Variants in F8 observed in about 807,000 individuals in gnomAD.
F8 encodes coagulation factor VIII.
In F8, 12 loss-of-function variants were observed where a neutral mutation model predicts 140.6. The observed-to-expected ratio is 0.09, with a 90% CI of 0.05 to 0.14. F8 has a LOEUF of 0.14. Among genes scored for constraint, F8 ranks in the 10% least tolerant of loss-of-function variants. F8 has a pLI of 1.00. For synonymous variants in F8, 585 were observed against 614.6 expected, an observed-to-expected ratio of 0.95 and a Z score of 0.71; for missense variants, 1,354 against 1,720.7, an observed-to-expected ratio of 0.79 and a Z score of 3.77.
At position 154,929,924 on chromosome X, in the gene F8, T is replaced by A. The variant is rs985841292; in HGVS notation, c.3866A>T (p.Lys1289Ile). ...RTKKHTAHFSKKGEEENLEGL... is the reference protein window; with the variant it reads ...RTKKHTAHFSIKGEEENLEGL... Reference sequence around the variant, plus strand: ...TTCCAAGTTTTCTTCCTCCCCTTTTTTTGAGAAATGAGCTGTGTGTTTCTT... The same window carrying A: ...TTCCAAGTTTTCTTCCTCCCCTTTTATTGAGAAATGAGCTGTGTGTTTCTT... Residue 1289 changes from lysine to isoleucine, a missense_variant, in exon 14 of 26, where the codon AAA (lysine) becomes ATA (isoleucine). Lys to Ile is a moderately radical substitution (Grantham distance 102). Transcript: ENST00000360256. 1.7e-6 allele frequency: 2 copies of A among 1,211,699 alleles called. No individual in the cohort carries two copies. Among genetic ancestry groups the A allele is most frequent in the Non-Finnish European group, 2.2e-6 (2 of 895,462 alleles).
At chrX:154,893,202 C>T (rs1243010034) in intron 22 of F8, among the ~76,000 whole-genome samples, 3 of 112,322 alleles carry the variant, frequency 2.7e-5, no homozygotes, top group Non-Finnish European at 5.6e-5. Flanking sequence ...GAATGTACAT[C>T]TTCCATCTAT....
At chrX:154,909,042 AT>A in intron 14 of F8, 1 of 233,751 alleles carries the variant, frequency 4.3e-6, no homozygotes. Flanking sequence ...TTGGCGAGTC[AT>A]TTTCGCTGTC....
Position 154,993,098 on chromosome X carries a change from C to T in F8, c.439G>A (p.Val147Ile), listed in dbSNP as rs781901816. 1 of 1,211,738 alleles carries T rather than the reference C, an allele frequency of 8.3e-7. No individual in the cohort carries two copies. Among genetic ancestry groups the T allele is most frequent in the Non-Finnish European group, 1.1e-6 (1 of 895,431 alleles). Residue 147 changes from valine (V) to isoleucine (I), a missense_variant, in exon 4 of 26, where the codon GTC becomes ATC. Transcript: ENST00000360256. ...TSQREKEDDK[V>I]FPGGSHTYVW... ...TATGTATGGCTTCCACCAGGGAAGACTTTATCATCTTCTTTCTCCCTTTGA... is the reference window on the plus strand; with the variant it reads ...TATGTATGGCTTCCACCAGGGAAGATTTTATCATCTTCTTTCTCCCTTTGA...
At chrX:154,848,178 A>C (rs1194906200) in intron 25 of F8, among the ~76,000 whole-genome samples, 1 of 112,510 alleles carries the variant, frequency 8.9e-6, no homozygotes, top group African/African-American at 3.2e-5. Context: ...CAGCTGTGTG[A>C]GGTGTCAGTC....
intron 25 of F8, among the ~76,000 whole-genome samples, chrX:154,851,363 GT>G (rs1213171535): frequency 8.9e-6 from 1 of 111,926 alleles, no homozygotes; most frequent in African/African-American, 3.3e-5. Flanking sequence ...TTGTATATTA[GT>G]TTTTGTTAGA....
At chrX:154,875,232 G>A (rs1371714697) in intron 22 of F8, among the ~76,000 whole-genome samples, 2 of 111,541 alleles carry the variant, frequency 1.8e-5, no homozygotes, top group Non-Finnish European at 3.8e-5. Context: ...GAAACAGGGA[G>A]ATGTTGATCA....
At position 154,929,218 on chromosome X, in the gene F8, T is replaced by C. The variant is rs1196367165; in HGVS notation, c.4572A>G (p.Leu1524=). 2 of 1,210,025 alleles carry C rather than the reference T, an allele frequency of 1.7e-6. No individual in the cohort carries two copies. The highest frequency in any genetic ancestry group is 2.2e-6 in the Non-Finnish European group (2 of 895,269). Residue 1524 remains leucine (L), a synonymous_variant, in exon 14 of 26, where the codon CTA becomes CTG. Transcript: ENST00000360256. ...LPKVHIYQKD[L]FPTETSNGSP... ...ACCCATTGCTAGTTTCCGTAGGGAA[T>C]AGGTCCTTCTGATAAATGTGAACTT...
chrX:155,000,775 G>A (rs979306364), intron 1 of F8, among the ~76,000 whole-genome samples: 1 of 112,032 alleles, frequency 8.9e-6, no homozygotes, highest in Non-Finnish European at 1.9e-5. Flanking sequence ...TGTTCGAGTC[G>A]CATGTCTTAT....
intron 7 of F8, among the ~76,000 whole-genome samples, chrX:154,968,936 T>C (rs781884374): frequency 9.3e-6 from 1 of 108,068 alleles, no homozygotes; most frequent in South Asian, 4.0e-4. Flanking sequence ...CCCATTTCCC[T>C]AGATTTCTCC....
chrX:154,847,607 G>A (rs1215210890), intron 25 of F8, among the ~76,000 whole-genome samples: 2 of 112,072 alleles, frequency 1.8e-5, no homozygotes, highest in African/African-American at 6.5e-5. Context: ...TCGTCACATA[G>A]TTCTCGTGCC....
intron 20 of F8, 124 bp from the exon 21 acceptor site, chrX:154,900,075 G>A: frequency 5.6e-6 from 3 of 533,937 alleles, no homozygotes; most frequent in Non-Finnish European, 9.3e-6. Flanking sequence ...AAACATAAAG[G>A]CTTTATGGCA....
chrX:154,917,521 T>C lies in F8; in HGVS notation c.5220-10948A>G, dbSNP rs996930960. 1.1e-4 allele frequency among the ~76,000 whole-genome samples: 12 copies of C among 112,249 alleles called. 1 individual carries two copies. Among genetic ancestry groups the C allele is most frequent in the Admixed American group, 2.8e-4 (3 of 10,611 alleles). On this transcript the variant is annotated intron_variant, in intron 14 of 25. Coordinates refer to ENST00000360256, the MANE Select transcript of F8 (RefSeq NM_000132.4). ...TTGGAAATATTTTCTGTTATTTCTT[T>C]GAGCTTTTTATTCATTGCTCTTTCT...
chrX:154,946,864 A>G lies in F8; in HGVS notation c.2113+834T>C, dbSNP rs190268693. Among the ~76,000 whole-genome samples the G allele has an allele frequency of 1.2e-4, 13 of 110,857 alleles. 1 individual carries two copies. The East Asian group carries it at 3.7e-3, about 31-fold the overall frequency. On this transcript the variant is annotated intron_variant, in intron 13 of 25. Transcript: ENST00000360256. ...ATAACCAGAATATATAAGAAACTCT[A>G]GTCAATAGCAAAAAAAACAAAGAAC...
Position 154,902,062 on chromosome X carries a change from A to G in F8, c.6104T>C (p.Val2035Ala), listed in dbSNP as rs1603432906. 2 of 1,200,165 alleles carry G rather than the reference A, an allele frequency of 1.7e-6. No individual in the cohort carries two copies. The highest frequency in any genetic ancestry group is 2.3e-6 in the Non-Finnish European group (2 of 884,815). Residue 2035 changes from valine (V) to alanine (A), a missense_variant, in exon 19 of 26, where the codon GTG (valine) becomes GCG (alanine). By Grantham distance (64) the Val-to-Ala change is moderately conservative. Around this residue, in one of 4 missense-constraint regions of F8, gnomAD observed 316 missense variants for 485.4 expected, o/e 0.65. Coordinates refer to ENST00000360256, the MANE Select transcript of F8 (RefSeq NM_000132.4). ...ACATTGCTACTCACTATTGCTGTAC[A>G]CCAGAAAAAGTGTGCTCATCCCAGC... ...LHAGMSTLFLVYSNKCQTPLG... is the reference protein window; with the variant it reads ...LHAGMSTLFLAYSNKCQTPLG...
chrX:155,019,086 C>T (rs973542854), intron 1 of F8, among the ~76,000 whole-genome samples: 73 of 111,686 alleles, frequency 6.5e-4, no homozygotes, highest in African/African-American at 2.3e-3. Context: ...TATTTAGTGT[C>T]AGGACATCTA....
rs1450490589 is a variant in F8 at position 154,972,706 on chromosome X, TC to T, written c.788-3155del. Reference sequence around the variant, plus strand: ...TGTTCTTTTCTTTTCTTTCTGTCTTTCTTTTTTTTTTTTTTTTTTTTTTTTT... The same window carrying T: ...TGTTCTTTTCTTTTCTTTCTGTCTTTTTTTTTTTTTTTTTTTTTTTTTTTT... On this transcript the variant is annotated intron_variant, in intron 6 of 25. Coordinates refer to ENST00000360256, the MANE Select transcript of F8 (RefSeq NM_000132.4). 3.0e-3 allele frequency among the ~76,000 whole-genome samples: 261 copies of T among 86,718 alleles called. 6 individuals are homozygous for T. Among genetic ancestry groups the T allele is most frequent in the African/African-American group, 0.012 (235 of 18,862 alleles). The allele number at this position is 86,718 out of a possible 115,157, so 75.3% of individuals were successfully genotyped here.
intron 22 of F8, among the ~76,000 whole-genome samples, chrX:154,865,442 T>C (rs1174813148): frequency 9.0e-6 from 1 of 111,371 alleles, no homozygotes; most frequent in East Asian, 2.8e-4. Flanking sequence ...ACTATAATGA[T>C]TGTTATAAAT....
chrX:154,978,780 T>C (rs2073501400), intron 6 of F8, among the ~76,000 whole-genome samples: 1 of 111,269 alleles, frequency 9.0e-6, no homozygotes, highest in Non-Finnish European at 1.9e-5. Flanking sequence ...GATGTATCTG[T>C]GGTGTTGCTT....
chrX:154,871,249 G>A (rs1411712401), intron 22 of F8, among the ~76,000 whole-genome samples: 1 of 111,527 alleles, frequency 9.0e-6, no homozygotes, highest in African/African-American at 3.3e-5. Context: ...AGACAATCCT[G>A]GACAAGAAGG....
Sources: gnomAD v4.1 joint callset for allele counts (sites outside exome capture counted in the v4.1 genomes callset) on GRCh38, gnomAD v4.1.1 for gene constraint, gnomAD v4.1.1 regional missense constraint, MANE v1.5 for transcripts, NCBI Gene and HGNC (gene_info 2026-07-23, HGNC 2026-07-21) for gene names.